EVC: variants seen among roughly 807,000 people sequenced by gnomAD.
EVC encodes evC complex member EVC.
In EVC, 116 loss-of-function variants were observed where a neutral mutation model predicts 118.9. The observed-to-expected ratio is 0.98, with a 90% CI of 0.84 to 1.14. The LOEUF (loss-of-function observed/expected upper bound fraction) is 1.14, where lower values mean the gene tolerates loss of function less well. EVC is among the 50% of genes most tolerant of loss of function. The probability of loss-of-function intolerance (pLI) is 0.00; values close to 1 mark genes in which losing one functional copy is unlikely to be tolerated. For missense variants in EVC, 1,401 were observed against 1,246.4 expected, an observed-to-expected ratio of 1.12 and a Z score of -1.87; for synonymous variants, 619 against 534.7, an observed-to-expected ratio of 1.16 and a Z score of -2.18.
At chr4:5,791,282 T>C (rs1449743349) in intron 12 of EVC, among the ~76,000 whole-genome samples, 1 of 152,036 alleles carries the variant, frequency 6.6e-6, no homozygotes, top group Non-Finnish European at 1.5e-5. Flanking sequence ...ACATGGAGAA[T>C]AGGATGACAA....
chr4:5,798,652 C>T lies in EVC; in HGVS notation c.2164C>T (p.Gln722Ter), dbSNP rs1553891936. 1.3e-6 allele frequency: 2 copies of T among 1,595,974 alleles called. No homozygotes were observed. The highest frequency in any genetic ancestry group is 8.5e-7 in the Non-Finnish European group (1 of 1,173,084). The change falls in exon 15 of 21, where the codon CAG becomes TAG. Residue 722 changes from glutamine to a stop codon, truncating the protein, a stop_gained. Transcript: ENST00000264956. LOFTEE classifies it high-confidence loss of function. This position sits in a 1 kb window ranked among gnomAD's most constrained non-coding sequence, Gnocchi z 4.1. ...EEAQQTRLQL[Q>*]QRLLAEAQEV... is the part of the protein sequence containing the mutation. Reference sequence around the variant, plus strand: ...AGCACAGCAGACACGGCTGCAGCTCCAGCAGCGGCTCCTGGCCGAGGCCCA... The same window carrying T: ...AGCACAGCAGACACGGCTGCAGCTCTAGCAGCGGCTCCTGGCCGAGGCCCA...
chr4:5,720,748 T>C (rs916182636), intron 2 of EVC, among the ~76,000 whole-genome samples: 2 of 152,198 alleles, frequency 1.3e-5, no homozygotes, highest in African/African-American at 4.8e-5. Flanking sequence ...TCCCGGGACA[T>C]GGCTTGCAGG....
At chr4:5,733,554 G>A (rs1014206128) in intron 5 of EVC, 119 bp downstream of exon 5, 73 of 909,490 alleles carry the variant, frequency 8.0e-5, no homozygotes, top group Admixed American at 3.1e-4. Context: ...AAACAGAGCC[G>A]CTGTGAGGTG....
downstream of EVC, among the ~76,000 whole-genome samples, chr4:5,816,668 C>G (rs577769634): frequency 2.1e-5 from 3 of 140,916 alleles, no homozygotes; most frequent in African/African-American, 7.8e-5. Flanking sequence ...TCCTTCCCCT[C>G]TCTCCCTTCC....
chr4:5,774,424 T>C (rs541976099), intron 11 of EVC, among the ~76,000 whole-genome samples: 2 of 152,058 alleles, frequency 1.3e-5, no homozygotes, highest in Non-Finnish European at 2.9e-5. Context: ...TGCTGTGTGC[T>C]GTGAGCCAGC....
In EVC at chr4:5,742,560, C is replaced by A. The variant is rs1728768274; in HGVS notation, c.801+746C>A. On this transcript the variant is annotated intron_variant, in intron 6 of 20. Transcript: ENST00000264956. This position sits in a 1 kb window ranked among gnomAD's most constrained non-coding sequence, Gnocchi z 5.2. ...TCTTTGCTATTGTCACCACTGACAT[C>A]ATCATTCTTTGTCTTTACCACCATC... Among the ~76,000 whole-genome samples, 1 of 152,132 alleles carries A rather than the reference C, an allele frequency of 6.6e-6. No homozygotes were observed. The highest frequency in any genetic ancestry group is 1.5e-5 in the Non-Finnish European group (1 of 68,022).
chr4:5,810,205 G>T lies in EVC; in HGVS notation c.2783-134G>T, dbSNP rs549444151. 6.9e-4 allele frequency: 510 copies of T among 742,752 alleles called. 2 individuals carry two copies. The highest frequency in any genetic ancestry group is 1.1e-3 in the Non-Finnish European group (467 of 412,010). 46.0% of individuals were successfully genotyped at this position (742,752 alleles called of 1,614,324 possible). On this transcript the variant is annotated intron_variant, in intron 19 of 20. Transcript: ENST00000264956. ...CCTCATTAGTTGAGTGGCTGCAATA[G>T]CATAAGATACCAAGCATACACTTGG...
Position 5,753,814 on chromosome 4 carries a change from A to G in EVC, c.1345A>G (p.Thr449Ala), listed in dbSNP as rs745395865. ...TGTCCAGCGAGGCAAAGACCTGGTC[A>G]CGGCGTCTCTGGCTCACCAGGTGGA... ...EFVQRGKDLVTASLAHQVEGT... is the reference protein window; with the variant it reads ...EFVQRGKDLVAASLAHQVEGT... Residue 449 changes from threonine to alanine, a missense_variant, in exon 10 of 21, where the codon ACG becomes GCG. Physicochemically the swap from Thr to Ala is moderately conservative, Grantham distance 58. Transcript: ENST00000264956. The G allele has an allele frequency of 4.0e-5, 64 of 1,614,000 alleles. No individual in the cohort carries two copies. Among genetic ancestry groups the G allele is most frequent in the Non-Finnish European group, 5.2e-5 (61 of 1,180,012 alleles).
intron 11 of EVC, among the ~76,000 whole-genome samples, chr4:5,764,909 C>A (rs1732638728): frequency 7.2e-6 from 1 of 138,924 alleles, no homozygotes; most frequent in African/African-American, 2.7e-5. Context: ...TCCTTCAGTT[C>A]TGCTCTGATT....
downstream of EVC, among the ~76,000 whole-genome samples, chr4:5,816,705 TC>T (rs1270397432): frequency 1.7e-5 from 2 of 119,750 alleles, no homozygotes; most frequent in Admixed American, 1.9e-4. Flanking sequence ...CTCCCCTCTC[TC>T]CCCTCCCTCT....
At chr4:5,821,465 T>TGGAAG in the EVC span, 1 of 405,656 alleles carries the variant, frequency 2.5e-6, no homozygotes. The surrounding 1 kb of genome is among the most constrained non-coding windows in gnomAD (Gnocchi z 4.4). Context: ...GAGTTAGAAG[T>TGGAAG]GGAAGGGACA....
In EVC at chr4:5,798,858, G is replaced by A; in HGVS notation, c.2304+66G>A. 4 of 1,523,460 alleles carry A rather than the reference G, an allele frequency of 2.6e-6. No homozygotes were observed. In the South Asian group the frequency reaches 3.6e-5, roughly 14 times the overall value. 94.4% of individuals were successfully genotyped at this position (1,523,460 alleles called of 1,614,324 possible). On this transcript the variant is annotated intron_variant, in intron 15 of 20. Transcript: ENST00000264956. The surrounding 1 kb of genome is among the most constrained non-coding windows in gnomAD (Gnocchi z 4.1). ...AATGTTCAGGGTAGGGTCCATGCCTGGGTCTGCTCCTTGCCACACCGTTCA... is the reference window on the plus strand; with the variant it reads ...AATGTTCAGGGTAGGGTCCATGCCTAGGTCTGCTCCTTGCCACACCGTTCA...
In EVC at chr4:5,731,433, C is replaced by G; in HGVS notation, c.393C>G (p.Ala131=). 2 of 1,613,424 alleles carry G rather than the reference C, an allele frequency of 1.2e-6. No homozygotes were observed. The highest frequency in any genetic ancestry group is 1.7e-6 in the Non-Finnish European group (2 of 1,179,858). The part of the protein sequence containing the change: ...YPINQKFRPL[A]DGSSNPSLHE... ...TCCTACTGCCACCCCAGCCTCTGGC[C>G]GATGGCTCCTCCAACCCGTCTCTGC... Residue 131 remains alanine, a synonymous_variant, in exon 4 of 21, where the codon GCC becomes GCG. Coordinates refer to ENST00000264956, the MANE Select transcript of EVC (RefSeq NM_153717.3). This position sits in a 1 kb window ranked among gnomAD's most constrained non-coding sequence, Gnocchi z 5.6.
chr4:5,793,597 C>T lies in EVC; in HGVS notation c.1777-11C>T. The stretch of plus-strand genomic sequence containing the variant: ...CCACATGCCTGCTCTGTCCCTCTGT[C>T]CCGAGTTCAGGTGTGGATGGAGGAG... On this transcript the variant is annotated splice_polypyrimidine_tract_variant and intron_variant, in intron 12 of 20. Transcript: ENST00000264956. 1 of 1,550,502 alleles carries T rather than the reference C, an allele frequency of 6.4e-7. No homozygotes were observed. The highest frequency in any genetic ancestry group is 8.7e-7 in the Non-Finnish European group (1 of 1,145,948).
chr4:5,775,287 A>G lies in EVC; in HGVS notation c.1564-8265A>G, dbSNP rs143771427. 5.0e-4 allele frequency among the ~76,000 whole-genome samples: 76 copies of G among 152,266 alleles called. 1 individual carries two copies. In the East Asian group the frequency reaches 0.011, roughly 21 times the overall value. ...ATGAATAAATAAAGCATAATCTTAC[A>G]AATTAACAAATGATTATTGTAAAAC... is the stretch of plus-strand genomic sequence containing the variant. On this transcript the variant is annotated intron_variant, in intron 11 of 20. Coordinates refer to ENST00000264956, the MANE Select transcript of EVC (RefSeq NM_153717.3).
intron 17 of EVC, 73 bp downstream of exon 17, chr4:5,804,914 C>A: frequency 1.5e-6 from 2 of 1,349,048 alleles, no homozygotes; most frequent in South Asian, 2.4e-5. Flanking sequence ...TCTGTGGTGC[C>A]GTCAGCAGGT....
At chr4:5,772,023 G>C (rs575369668) in intron 11 of EVC, among the ~76,000 whole-genome samples, 1 of 151,830 alleles carries the variant, frequency 6.6e-6, no homozygotes, top group African/African-American at 2.4e-5. Context: ...TCAGCCTCCC[G>C]GGTAGCTGGG....
At chr4:5,775,968 T>C (rs1036086127) in intron 11 of EVC, among the ~76,000 whole-genome samples, 2 of 152,178 alleles carry the variant, frequency 1.3e-5, no homozygotes. Flanking sequence ...AATTTAGTTT[T>C]TCTTAATATT....
rs1309436240 is a variant in EVC at position 5,802,034 on chromosome 4, A to G, written c.2389A>G (p.Ile797Val). ...SRLVQAYYQQIGRIMEDHEER... is the reference protein window; with the variant it reads ...SRLVQAYYQQVGRIMEDHEER... ...CCTGGTGCAGGCGTATTACCAGCAAATCGGAAGGATCATGGAGGACCACGA... is the reference window on the plus strand; with the variant it reads ...CCTGGTGCAGGCGTATTACCAGCAAGTCGGAAGGATCATGGAGGACCACGA... Residue 797 changes from isoleucine to valine, a missense_variant, in exon 16 of 21, where the codon ATC becomes GTC. Ile to Val is a conservative substitution (Grantham distance 29). Coordinates refer to ENST00000264956, the MANE Select transcript of EVC (RefSeq NM_153717.3). The G allele has an allele frequency of 1.5e-5, 24 of 1,614,098 alleles. No individual in the cohort carries two copies. Among genetic ancestry groups the G allele is most frequent in the Admixed American group, 6.7e-5 (4 of 60,014 alleles).
Sources: allele counts gnomAD v4.1 joint callset (sites outside exome capture counted in the v4.1 genomes callset), GRCh38; gene constraint gnomAD v4.1.1; non-coding constraint Gnocchi (gnomAD v3.1); transcripts MANE v1.5; gene names NCBI Gene and HGNC (gene_info 2026-07-23, HGNC 2026-07-21).